The following GLCE variants were observed in gnomAD, a reference collection of about 807,000 sequenced individuals.
The protein encoded by GLCE is D-glucuronyl C5-epimerase.
GLCE carries 19 observed loss-of-function variants against 47.9 expected under a neutral mutation model. The observed-to-expected ratio is 0.40, with a 90% confidence interval of 0.28 to 0.58. GLCE has a LOEUF of 0.58. Among genes scored for constraint, GLCE ranks in the 20% least tolerant of loss-of-function variants. The pLI is 0.48. For synonymous variants in GLCE, 245 were observed against 263.4 expected, an observed-to-expected ratio of 0.93 and a Z score of 0.68; for missense variants, 556 against 743.3, an observed-to-expected ratio of 0.75 and a Z score of 2.93.
At chr15:69,194,817 AG>A (rs1157221737) in intron 1 of GLCE, among the ~76,000 whole-genome samples, 2 of 152,170 alleles carry the variant, frequency 1.3e-5, no homozygotes, top group Non-Finnish European at 2.9e-5. Context: ...AAAAATAAGA[AG>A]AGTAGCATAT....
At chr15:69,184,724 C>T (rs1364212463) in intron 1 of GLCE, among the ~76,000 whole-genome samples, 1 of 152,186 alleles carries the variant, frequency 6.6e-6, no homozygotes, top group Non-Finnish European at 1.5e-5. Context: ...AATGAAGACA[C>T]CAAAGATTCA....
At chr15:69,201,702 C>T (rs1359394064) in intron 1 of GLCE, among the ~76,000 whole-genome samples, 1 of 150,516 alleles carries the variant, frequency 6.6e-6, no homozygotes, top group African/African-American at 2.5e-5. Flanking sequence ...TCATTTATCT[C>T]TCTTTTTTTC....
chr15:69,211,566 G>A (rs931290673), intron 2 of GLCE, among the ~76,000 whole-genome samples: 4 of 151,770 alleles, frequency 2.6e-5, no homozygotes, highest in African/African-American at 9.7e-5. Context: ...TAAGATAGAA[G>A]GAGAAAATAA....
At chr15:69,197,871 G>A (rs1046984219) in intron 1 of GLCE, among the ~76,000 whole-genome samples, 3 of 152,112 alleles carry the variant, frequency 2.0e-5, no homozygotes, top group African/African-American at 7.2e-5. Flanking sequence ...TAATGTGACA[G>A]GAATAATCCA....
At chr15:69,260,252 G>GCTTTTTTTT (rs57452657) in intron 3 of GLCE, among the ~76,000 whole-genome samples, 1 of 79,248 alleles carries the variant, frequency 1.3e-5, no homozygotes, top group African/African-American at 4.3e-5. Flanking sequence ...GTCACAACTG[G>GCTTTTTTTT]TTTTTTTTTT....
At chr15:69,171,483 G>A (rs1413721713) in intron 1 of GLCE, among the ~76,000 whole-genome samples, 1 of 151,612 alleles carries the variant, frequency 6.6e-6, no homozygotes, top group African/African-American at 2.4e-5. Flanking sequence ...TGCAACCTCG[G>A]CCTCCCAGGT....
At chr15:69,209,842 T>C (rs576122239) in intron 1 of GLCE, among the ~76,000 whole-genome samples, 96 of 152,214 alleles carry the variant, frequency 6.3e-4, no homozygotes, top group African/African-American at 2.2e-3. Context: ...CCACATCCTC[T>C]TGGGACCACA....
chr15:69,192,094 G>C (rs1347344273), intron 1 of GLCE, among the ~76,000 whole-genome samples: 7 of 152,066 alleles, frequency 4.6e-5, no homozygotes, highest in African/African-American at 1.7e-4. Flanking sequence ...GGGAACTGTG[G>C]GTTTGTAGTT....
At chr15:69,222,924 A>G (rs1390720180) in intron 2 of GLCE, among the ~76,000 whole-genome samples, 7 of 152,222 alleles carry the variant, frequency 4.6e-5, no homozygotes, top group African/African-American at 1.7e-4. Context: ...CTAGGTTATA[A>G]CACTCTAATT....
chr15:69,208,839 C>A (rs2052186928), intron 1 of GLCE, among the ~76,000 whole-genome samples: 1 of 152,016 alleles, frequency 6.6e-6, no homozygotes, highest in Admixed American at 6.6e-5. Flanking sequence ...TGTACATGTT[C>A]TAATATGTTT....
In GLCE at chr15:69,256,311, C is replaced by T. The variant is rs1169897496; in HGVS notation, c.505C>T (p.His169Tyr). ...SKVYAQRAPY[H>Y]PDGVFMSFEG... ...AGTCTATGCACAGAGAGCCCCCTAT[C>T]ACCCCGATGGTGTGTTTATGTCTTT... is the stretch of plus-strand genomic sequence containing the variant. The change falls in exon 3 of 5, where the codon CAC becomes TAC. Residue 169 changes from histidine to tyrosine, a missense_variant. Physicochemically the swap from His to Tyr is moderately conservative, Grantham distance 83. Around this residue, in one of 3 missense-constraint regions of GLCE, gnomAD observed 237 missense variants for 310.9 expected, o/e 0.76. Coordinates refer to ENST00000261858, the MANE Select transcript of GLCE (RefSeq NM_015554.3). 1.9e-6 allele frequency: 3 copies of T among 1,613,990 alleles called. 1 individual carries two copies. The South Asian group carries it at 3.3e-5, about 18-fold the overall frequency.
At chr15:69,210,831 A>T (rs541278412) in intron 2 of GLCE, among the ~76,000 whole-genome samples, 64 of 152,242 alleles carry the variant, frequency 4.2e-4, no homozygotes, top group African/African-American at 1.5e-3. Flanking sequence ...CTTAATACAT[A>T]TTGTGTGTGG....
chr15:69,252,782 AAAAT>A (rs1268652941), intron 2 of GLCE, among the ~76,000 whole-genome samples: 1 of 152,170 alleles, frequency 6.6e-6, no homozygotes, highest in African/African-American at 2.4e-5. Context: ...TTTAAAAAAA[AAAAT>A]AAACACCATT....
In GLCE at chr15:69,272,189, G is replaced by A. The variant is rs532033681; in HGVS notation, c.*2945G>A. Reference sequence around the variant, plus strand: ...CCGCTTTATAAAACTGTAAAATAAAGTTTTTTTCTTAAAAAGAATATACCT... The same window carrying A: ...CCGCTTTATAAAACTGTAAAATAAAATTTTTTTCTTAAAAAGAATATACCT... On this transcript the variant is annotated 3_prime_UTR_variant, in exon 5 of 5. Transcript: ENST00000261858. The A allele has an allele frequency of 6.6e-6, 1 of 152,650 alleles. No individual in the cohort carries two copies. Among genetic ancestry groups the A allele is most frequent in the Admixed American group, 6.5e-5 (1 of 15,288 alleles). The allele number at this position is 152,650 out of a possible 1,614,324, so 9.5% of individuals were successfully genotyped here.
At chr15:69,186,448 A>T (rs1225310008) in intron 1 of GLCE, among the ~76,000 whole-genome samples, 1 of 152,252 alleles carries the variant, frequency 6.6e-6, no homozygotes, top group Non-Finnish European at 1.5e-5. Flanking sequence ...AAATAAGCTA[A>T]TATGAAAGAA....
chr15:69,241,183 TATC>T (rs1370877182), intron 2 of GLCE, among the ~76,000 whole-genome samples: 2 of 152,200 alleles, frequency 1.3e-5, no homozygotes, highest in Non-Finnish European at 2.9e-5. Flanking sequence ...TGATTGTTCT[TATC>T]ATTAAACATC....
rs776302466 is a variant in GLCE at position 69,268,294 on chromosome 15, A to T, written c.904A>T (p.Thr302Ser). ...FIISFDLKFLTNGSVSVVLET... is the reference protein window; with the variant it reads ...FIISFDLKFLSNGSVSVVLET... Reference sequence around the variant, plus strand: ...TATTTCATTTGACCTCAAGTTCTTGACAAATGGAAGTGTGTCCGTGGTTCT... The same window carrying T: ...TATTTCATTTGACCTCAAGTTCTTGTCAAATGGAAGTGTGTCCGTGGTTCT... Residue 302 changes from threonine to serine, a missense_variant, in exon 5 of 5, where the codon ACA becomes TCA. This residue lies in a region of GLCE where 74 missense variants were observed against 64.4 expected (regional missense o/e 1.15). Transcript: ENST00000261858. 6.2e-7 allele frequency: 1 copy of T among 1,612,088 alleles called. No homozygotes were observed. The highest frequency in any genetic ancestry group is 8.5e-7 in the Non-Finnish European group (1 of 1,178,468).
At chr15:69,189,516 G>A (rs563702671) in intron 1 of GLCE, among the ~76,000 whole-genome samples, 6 of 152,112 alleles carry the variant, frequency 3.9e-5, no homozygotes, top group African/African-American at 1.2e-4. Context: ...AAGGACATAC[G>A]TTTTCGACTC....
At chr15:69,265,763 G>A (rs2053076708) in intron 4 of GLCE, among the ~76,000 whole-genome samples, 1 of 152,114 alleles carries the variant, frequency 6.6e-6, no homozygotes, top group South Asian at 2.1e-4. Flanking sequence ...GAAATTCTGG[G>A]AGGAAATGGG....
Sources: allele counts gnomAD v4.1 joint callset (sites outside exome capture counted in the v4.1 genomes callset), GRCh38; gene constraint gnomAD v4.1.1; regional missense constraint gnomAD v4.1.1; transcripts MANE v1.5; gene names NCBI Gene and HGNC (gene_info 2026-07-23, HGNC 2026-07-21).